Variants in CEP63 observed in about 807,000 individuals in gnomAD.
CEP63 encodes centrosomal protein of 63 kDa.
In CEP63, 84 loss-of-function variants were observed where a neutral mutation model predicts 89.1. The ratio of observed to expected loss-of-function variants is 0.94; its 90% CI spans 0.79 to 1.13. The LOEUF (loss-of-function observed/expected upper bound fraction) is 1.13, where lower values mean the gene tolerates loss of function less well. Among genes scored for constraint, CEP63 ranks in the 50% most tolerant of loss-of-function variants. The pLI is 0.00. For missense variants in CEP63, 838 were observed against 813.3 expected, an observed-to-expected ratio of 1.03 and a Z score of -0.37; for synonymous variants, 267 against 272.5, an observed-to-expected ratio of 0.98 and a Z score of 0.20.
At chr3:134,701,771 GA>G in the CEP63 span, among the ~76,000 whole-genome samples, 1 of 152,110 alleles carries the variant, frequency 6.6e-6, no homozygotes, top group Non-Finnish European at 1.5e-5. Flanking sequence ...CAAATAGCAA[GA>G]GAGGAAATCA....
At chr3:134,621,929 A>T in the CEP63 span, among the ~76,000 whole-genome samples, 1 of 152,244 alleles carries the variant, frequency 6.6e-6, no homozygotes, top group Non-Finnish European at 1.5e-5. Flanking sequence ...TCTCTAAAGA[A>T]GATATACAAA....
the CEP63 span, among the ~76,000 whole-genome samples, chr3:134,739,703 G>GTTTTT: frequency 7.0e-6 from 1 of 143,694 alleles, no homozygotes; most frequent in Non-Finnish European, 1.5e-5. Context: ...ATCAATGCTT[G>GTTTTT]TTTTTTTTTT....
intron 1 of CEP63, 76 bp from the exon 2 acceptor site, chr3:134,495,220 A>G: frequency 9.6e-7 from 1 of 1,043,630 alleles, no homozygotes; most frequent in Non-Finnish European, 1.5e-6. Context: ...TTTCATTCAC[A>G]TTCTTAAGTT....
the CEP63 span, among the ~76,000 whole-genome samples, chr3:134,775,452 A>G: frequency 6.6e-6 from 1 of 152,196 alleles, no homozygotes; most frequent in African/African-American, 2.4e-5. Context: ...CTGAAGTGGT[A>G]TGGTAGCATA....
the CEP63 span, among the ~76,000 whole-genome samples, chr3:134,746,667 C>T: frequency 0.024 from 3,716 of 152,204 alleles, 125 homozygotes; most frequent in Admixed American, 0.084. Flanking sequence ...TGCATTTCTC[C>T]GATGAACAGT....
intron 1 of CEP63, among the ~76,000 whole-genome samples, chr3:134,487,375 A>G (rs1366361052): frequency 3.9e-5 from 6 of 152,370 alleles, no homozygotes; most frequent in Admixed American, 3.3e-4. Flanking sequence ...AAACAGGCAC[A>G]CTGCCTTTTA....
the CEP63 span, among the ~76,000 whole-genome samples, chr3:134,609,017 G>A: frequency 6.6e-6 from 1 of 152,350 alleles, no homozygotes; most frequent in Non-Finnish European, 1.5e-5. Flanking sequence ...AGTCAAGGCA[G>A]GGTCTGAGGT....
chr3:134,660,360 A>C, the CEP63 span, among the ~76,000 whole-genome samples: 2 of 152,210 alleles, frequency 1.3e-5, no homozygotes, highest in Non-Finnish European at 2.9e-5. Context: ...TATGATATGC[A>C]AAGCCACAGG....
intron 2 of CEP63, among the ~76,000 whole-genome samples, chr3:134,498,248 G>C (rs13324170): frequency 1.3e-5 from 2 of 151,686 alleles, no homozygotes; most frequent in African/African-American, 2.4e-5. Context: ...GTGTTTCATA[G>C]TTTTCTTTGT....
chr3:134,546,638 T>C (rs549119355), intron 8 of CEP63, among the ~76,000 whole-genome samples: 1 of 152,338 alleles, frequency 6.6e-6, no homozygotes, highest in Admixed American at 6.5e-5. Flanking sequence ...ATTACAGGTG[T>C]GAGCTGCCAC....
the CEP63 span, among the ~76,000 whole-genome samples, chr3:134,616,135 G>T: frequency 6.6e-6 from 1 of 152,154 alleles, no homozygotes. Flanking sequence ...AAGGATGCAG[G>T]CAACTGAGGC....
the CEP63 span, among the ~76,000 whole-genome samples, chr3:134,690,991 T>G: frequency 1.3e-5 from 2 of 152,148 alleles, no homozygotes; most frequent in African/African-American, 4.8e-5. Context: ...TCAGGTAATC[T>G]GCCCGCCTTG....
chr3:134,726,735 C>A, the CEP63 span, among the ~76,000 whole-genome samples: 1 of 152,040 alleles, frequency 6.6e-6, no homozygotes, highest in Admixed American at 6.5e-5. Flanking sequence ...ATTTCTTCAC[C>A]CACACGACAT....
the CEP63 span, among the ~76,000 whole-genome samples, chr3:134,606,683 A>G: frequency 6.6e-6 from 1 of 152,112 alleles, no homozygotes; most frequent in Non-Finnish European, 1.5e-5. Context: ...GCCACGTCTT[A>G]GTGCCTGGTT....
the CEP63 span, among the ~76,000 whole-genome samples, chr3:134,674,108 G>T: frequency 6.6e-6 from 1 of 152,332 alleles, no homozygotes; most frequent in African/African-American, 2.4e-5. Context: ...TACTGTTGGG[G>T]TGAGGTGTAC....
At chr3:134,525,442 G>A (rs893406605) in intron 3 of CEP63, among the ~76,000 whole-genome samples, 2 of 152,156 alleles carry the variant, frequency 1.3e-5, no homozygotes, top group African/African-American at 4.8e-5. Flanking sequence ...TGGGTCTCTT[G>A]AAGACAGCAT....
At chr3:134,537,291 T>C (rs1439456680) in intron 6 of CEP63, 23 bp downstream of exon 6, 1 of 1,447,778 alleles carries the variant, frequency 6.9e-7, no homozygotes, top group South Asian at 1.1e-5. Flanking sequence ...CTTTTTAAAA[T>C]AATGAGAAGC....
chr3:134,720,567 G>A, the CEP63 span, among the ~76,000 whole-genome samples: 1 of 152,070 alleles, frequency 6.6e-6, no homozygotes, highest in Admixed American at 6.6e-5. Flanking sequence ...TCACCACTGT[G>A]TTTTCCTCTG....
chr3:134,623,404 G>A, the CEP63 span, among the ~76,000 whole-genome samples: 1 of 152,112 alleles, frequency 6.6e-6, no homozygotes, highest in African/African-American at 2.4e-5. Flanking sequence ...TCCTCACTAA[G>A]AGTCTCATCC....
Sources: gnomAD v4.1 joint callset for allele counts (sites outside exome capture counted in the v4.1 genomes callset) on GRCh38, gnomAD v4.1.1 for gene constraint, MANE v1.5 for transcripts, NCBI Gene and HGNC (gene_info 2026-07-23, HGNC 2026-07-21) for gene names.